Variants in DMP1 observed in about 807,000 individuals in gnomAD.
DMP1 encodes the protein dentin matrix protein 1.
DMP1 carries 20 observed loss-of-function variants against 14.6 expected under a neutral mutation model. The ratio of observed to expected loss-of-function variants is 1.37; its 90% CI spans 0.96 to 1.99. The LOEUF (loss-of-function observed/expected upper bound fraction) is 1.99, where lower values mean the gene tolerates loss of function less well. Ranked by LOEUF, DMP1 falls within the 30% of genes most tolerant of loss-of-function variation. The pLI, the probability that DMP1 is intolerant of heterozygous loss-of-function variation, is 0.00. For synonymous variants in DMP1, 197 were observed against 215.3 expected (o/e 0.91, Z 0.75); for missense variants, 567 against 620.5 (o/e 0.91, Z 0.92).
rs754656539 is a variant in DMP1, at chr4:87,657,060, A to G, written c.83A>G (p.Glu28Gly). The G allele has an allele frequency of 1.3e-6, 2 of 1,556,892 alleles. No homozygotes were observed. Among genetic ancestry groups the G allele is most frequent in the East Asian group, 4.5e-5 (2 of 44,532 alleles). Reference sequence around the variant, plus strand: ...ACCAGGTATCAAAATAATGAATCTGAGGATTCTGAAGAATGGAAGGTGAGT... The same window carrying G: ...ACCAGGTATCAAAATAATGAATCTGGGGATTCTGAAGAATGGAAGGTGAGT... ...PVTRYQNNES[E>G]DSEEWKGHLA... is the part of the protein sequence containing the mutation. Residue 28 changes from glutamate to glycine, a missense_variant, in exon 3 of 6, where the codon GAG becomes GGG. Transcript: ENST00000339673.
chr4:87,662,646 G>A lies in DMP1; in HGVS notation c.868G>A (p.Glu290Lys). ...GCTTGATGACAACAACACAATGGAA[G>A]AAGTCAAGAGTGACTCTACAGAAAA... is the stretch of plus-strand genomic sequence containing the variant. ...SELDDNNTME[E>K]VKSDSTENSN... The change falls in exon 6 of 6, where the codon GAA (glutamate) becomes AAA (lysine). Residue 290 changes from glutamate to lysine, a missense_variant. Glu to Lys is a moderately conservative substitution (Grantham distance 56). Coordinates refer to ENST00000339673, the MANE Select transcript of DMP1 (RefSeq NM_004407.4). The A allele has an allele frequency of 6.2e-7, 1 of 1,614,132 alleles. No homozygotes were observed. The highest frequency in any genetic ancestry group is 1.1e-5 in the South Asian group (1 of 91,082).
rs534492304 is a variant in DMP1, at chr4:87,663,311, C to T, written c.1533C>T (p.Asp511=). The change falls in exon 6 of 6, where the codon GAC becomes GAT. Residue 511 remains aspartate (D), a synonymous_variant. Transcript: ENST00000339673. Reference sequence around the variant, plus strand: ...ACCAAGATGACAATGACTGCCAAGACGGCTATTAGCATCAGCTGTCCTAAG... The same window carrying T: ...ACCAAGATGACAATGACTGCCAAGATGGCTATTAGCATCAGCTGTCCTAAG... ...IGDQDDNDCQ[D]GY 2.1e-5 allele frequency: 34 copies of T among 1,614,182 alleles called. No individual in the cohort carries two copies. The highest frequency in any genetic ancestry group is 1.5e-4 in the South Asian group (14 of 91,080).
intron 5 of DMP1, 104 bp from the exon 6 acceptor site, chr4:87,661,858 G>C: frequency 1.3e-6 from 2 of 1,597,142 alleles, no homozygotes; most frequent in Middle Eastern, 3.9e-4. Flanking sequence ...GATTAGAGGA[G>C]GGGATGTAGG....
intron 1 of DMP1, among the ~76,000 whole-genome samples, chr4:87,651,102 A>G (rs979118134): frequency 6.6e-6 from 1 of 152,198 alleles, no homozygotes; most frequent in Non-Finnish European, 1.5e-5. Context: ...GACGTTTAGA[A>G]GAGTCCATGT....
chr4:87,662,861 T>G lies in DMP1; in HGVS notation c.1083T>G (p.Ser361Arg), dbSNP rs769988147. 1.7e-5 allele frequency: 28 copies of G among 1,613,336 alleles called. No homozygotes were observed. Among genetic ancestry groups the G allele is most frequent in the Non-Finnish European group, 2.4e-5 (28 of 1,179,578 alleles). The change falls in exon 6 of 6, where the codon AGT becomes AGG. Residue 361 changes from serine (S) to arginine (R), a missense_variant. Physicochemically the swap from Ser to Arg is moderately radical, Grantham distance 110 (BLOSUM62 -1). Coordinates refer to ENST00000339673, the MANE Select transcript of DMP1 (RefSeq NM_004407.4). The stretch of plus-strand genomic sequence containing the variant: ...GTGAGTCTCAGGAAGAGGTGGTGAG[T>G]GAGTCCAGGGGAGATAACCCCGACC... ...NSSESQEEVV[S>R]ESRGDNPDPT...
chr4:87,657,641 A>G (rs1359567142), intron 3 of DMP1, among the ~76,000 whole-genome samples: 4 of 152,226 alleles, frequency 2.6e-5, no homozygotes, highest in Non-Finnish European at 5.9e-5. Flanking sequence ...CTGATCACAG[A>G]GAGTAATTCA....
At chr4:87,657,176 T>G in intron 3 of DMP1, 97 bp downstream of exon 3, 4 of 720,168 alleles carry the variant, frequency 5.6e-6, no homozygotes, top group Non-Finnish European at 9.8e-6. Context: ...TGCTAATGAC[T>G]TCATCAGCAT....
intron 1 of DMP1, among the ~76,000 whole-genome samples, chr4:87,656,142 C>A (rs992532673): frequency 1.3e-5 from 2 of 152,180 alleles, no homozygotes; most frequent in African/African-American, 4.8e-5. Flanking sequence ...TGCACAAGCT[C>A]TGGGCAACCA....
chr4:87,652,391 G>T (rs1369639579), intron 1 of DMP1, among the ~76,000 whole-genome samples: 1 of 152,104 alleles, frequency 6.6e-6, no homozygotes, highest in African/African-American at 2.4e-5. Flanking sequence ...ATTTTTATCA[G>T]AAATACCAAA....
At chr4:87,654,857 G>A (rs1578151214) in intron 1 of DMP1, among the ~76,000 whole-genome samples, 1 of 152,212 alleles carries the variant, frequency 6.6e-6, no homozygotes, top group South Asian at 2.1e-4. Flanking sequence ...ATGACTTTTA[G>A]TTCTGTCCTT....
Position 87,663,500 on chromosome 4 carries a change from T to A in DMP1, c.*180T>A. On this transcript the variant is annotated 3_prime_UTR_variant, in exon 6 of 6. Transcript: ENST00000339673. ...AGGGTGTCATCATTTCACAGAGGTT[T>A]AAATACTGTGGAGTGACACCAGAAC... 1 of 874,218 alleles carries A rather than the reference T, an allele frequency of 1.1e-6. No homozygotes were observed. The highest frequency in any genetic ancestry group is 1.8e-6 in the Non-Finnish European group (1 of 564,818). The allele number at this position is 874,218 out of a possible 1,614,324, so 54.2% of individuals were successfully genotyped here. A position where few individuals can be genotyped will look rare whatever the true frequency, so the allele number is the denominator to read the frequency against.
intron 1 of DMP1, among the ~76,000 whole-genome samples, chr4:87,654,036 C>T (rs1728610924): frequency 6.6e-6 from 1 of 152,104 alleles, no homozygotes; most frequent in African/African-American, 2.4e-5. Flanking sequence ...TACTAGTAGA[C>T]CAAGTGGGGT....
At chr4:87,660,244 C>G (rs970369802) in intron 5 of DMP1, among the ~76,000 whole-genome samples, 2 of 152,172 alleles carry the variant, frequency 1.3e-5, no homozygotes, top group African/African-American at 4.8e-5. Flanking sequence ...AAGGAACATT[C>G]TAGAAATTTA....
chr4:87,650,683 T>C (rs748649279), intron 1 of DMP1, among the ~76,000 whole-genome samples: 14 of 152,200 alleles, frequency 9.2e-5, no homozygotes, highest in Admixed American at 2.0e-4. Flanking sequence ...TGGAAGGTCA[T>C]TTTGAAATTT....
At position 87,663,507 on chromosome 4, in the gene DMP1, T is replaced by C. The variant is rs936730551; in HGVS notation, c.*187T>C. ...CATCATTTCACAGAGGTTTAAATAC[T>C]GTGGAGTGACACCAGAACACAGCCA... On this transcript the variant is annotated 3_prime_UTR_variant, in exon 6 of 6. Transcript: ENST00000339673. 3 of 814,406 alleles carry C rather than the reference T, an allele frequency of 3.7e-6. No individual in the cohort carries two copies. The South Asian group carries it at 5.1e-5, about 14-fold the overall frequency. The allele number at this position is 814,406 out of a possible 1,614,324, so 50.4% of individuals were successfully genotyped here.
intron 5 of DMP1, among the ~76,000 whole-genome samples, chr4:87,659,913 G>C (rs1055483372): frequency 5.9e-5 from 9 of 152,204 alleles, no homozygotes; most frequent in African/African-American, 2.2e-4. Context: ...CAGCCCTGAG[G>C]AAACTTTAAT....
chr4:87,653,378 T>C (rs1205263289), intron 1 of DMP1, among the ~76,000 whole-genome samples: 2 of 113,838 alleles, frequency 1.8e-5, no homozygotes, highest in African/African-American at 3.2e-5. Flanking sequence ...ATTCAGGCAT[T>C]ATCGAGTGAT....
rs963464992 is a variant in DMP1, at chr4:87,662,161, A to G, written c.383A>G (p.Glu128Gly). The part of the protein sequence containing the change: ...DSGPGPKDRQ[E>G]GGNSRLGSDE... Reference sequence around the variant, plus strand: ...GGCCCAGGGCCCAAAGACAGACAAGAAGGAGGAAACTCCAGACTGGGAAGT... The same window carrying G: ...GGCCCAGGGCCCAAAGACAGACAAGGAGGAGGAAACTCCAGACTGGGAAGT... Residue 128 changes from glutamate to glycine, a missense_variant, in exon 6 of 6, where the codon GAA becomes GGA. By Grantham distance (98) the Glu-to-Gly change is moderately conservative. Transcript: ENST00000339673. 1.1e-5 allele frequency: 17 copies of G among 1,614,108 alleles called. No individual in the cohort carries two copies. Among genetic ancestry groups the G allele is most frequent in the Non-Finnish European group, 1.4e-5 (17 of 1,180,042 alleles).
chr4:87,651,844 T>A (rs1048099380), intron 1 of DMP1, among the ~76,000 whole-genome samples: 3 of 151,686 alleles, frequency 2.0e-5, no homozygotes, highest in African/African-American at 4.8e-5. Context: ...GAAAAAAGAG[T>A]CTATGACTTT....
Sources: gnomAD v4.1 joint callset for allele counts (sites outside exome capture counted in the v4.1 genomes callset) on GRCh38, gnomAD v4.1.1 for gene constraint, MANE v1.5 for transcripts, NCBI Gene and HGNC (gene_info 2026-07-23, HGNC 2026-07-21) for gene names.